NOS1AP: variants seen among roughly 807,000 people sequenced by gnomAD.
NOS1AP encodes carboxyl-terminal PDZ ligand of neuronal nitric oxide synthase protein.
A neutral mutation model predicts 56.2 loss-of-function variants in NOS1AP; 21 were observed. The ratio of observed to expected loss-of-function variants is 0.37; its 90% CI spans 0.26 to 0.54. NOS1AP has a LOEUF of 0.54. Among genes scored for constraint, NOS1AP ranks in the 20% least tolerant of loss-of-function variants. NOS1AP has a pLI of 0.84. For missense variants in NOS1AP, 522 were observed against 657.8 expected, an observed-to-expected ratio of 0.79 and a Z score of 2.26; for synonymous variants, 270 against 274.6, an observed-to-expected ratio of 0.98 and a Z score of 0.17.
At chr1:162,249,461 G>A (rs1369068284) in intron 2 of NOS1AP, among the ~76,000 whole-genome samples, 2 of 152,142 alleles carry the variant, frequency 1.3e-5, no homozygotes, top group Admixed American at 6.6e-5. Flanking sequence ...TTTCCTTATG[G>A]TGTCTTTCAA....
In NOS1AP at chr1:162,164,478, A is replaced by T. The variant is rs146683625; in HGVS notation, c.177+10002A>T. 1.2e-3 allele frequency among the ~76,000 whole-genome samples: 176 copies of T among 152,324 alleles called. 1 individual carries two copies. Among genetic ancestry groups the T allele is most frequent in the Non-Finnish European group, 2.1e-3 (140 of 68,024 alleles). On this transcript the variant is annotated intron_variant, in intron 2 of 9. Transcript: ENST00000361897. ...CACTATGTATACCCCAATGTTTTTC[A>T]TCCTTCCTAAGATGAACTCTGTACC...
chr1:162,118,659 T>C lies in NOS1AP; in HGVS notation c.106-35746T>C, dbSNP rs565719315. Among the ~76,000 whole-genome samples the C allele has an allele frequency of 2.6e-5, 4 of 152,342 alleles. No individual in the cohort carries two copies. The South Asian group carries it at 8.3e-4, about 32-fold the overall frequency. On this transcript the variant is annotated intron_variant, in intron 1 of 9. Coordinates refer to ENST00000361897, the MANE Select transcript of NOS1AP (RefSeq NM_014697.3). ...CCAAAAACACTCCAGCTGCTGTTTT[T>C]CATGTATAAATAATCAGTATTTGTA... is the stretch of plus-strand genomic sequence containing the variant.
At chr1:162,072,676 T>A (rs923653735) in intron 1 of NOS1AP, among the ~76,000 whole-genome samples, 3 of 152,214 alleles carry the variant, frequency 2.0e-5, no homozygotes, top group Non-Finnish European at 4.4e-5. Context: ...TCTTTGTAAT[T>A]GATGCTGCAC....
At chr1:162,129,837 C>T (rs1648670137) in intron 1 of NOS1AP, among the ~76,000 whole-genome samples, 1 of 152,184 alleles carries the variant, frequency 6.6e-6, no homozygotes, top group African/African-American at 2.4e-5. Flanking sequence ...TATGACACAG[C>T]TAAATGCAAT....
chr1:162,330,879 A>G (rs1656745937), intron 4 of NOS1AP, among the ~76,000 whole-genome samples: 1 of 152,162 alleles, frequency 6.6e-6, no homozygotes, highest in Non-Finnish European at 1.5e-5. Flanking sequence ...GTCTGCAAGG[A>G]ACTTGCTCCT....
chr1:162,364,752 T>C, intron 8 of NOS1AP: 5 of 987,282 alleles, frequency 5.1e-6, no homozygotes, highest in Non-Finnish European at 6.0e-6. Context: ...ATGTCTGCCA[T>C]AGCAAATAAA....
chr1:162,168,115 T>C (rs1203097280), intron 2 of NOS1AP, among the ~76,000 whole-genome samples: 1 of 152,186 alleles, frequency 6.6e-6, no homozygotes, highest in African/African-American at 2.4e-5. Flanking sequence ...TCATAATTAC[T>C]TTATGAAGAG....
intron 2 of NOS1AP, among the ~76,000 whole-genome samples, chr1:162,177,572 G>A (rs1651108082): frequency 6.6e-6 from 1 of 152,126 alleles, no homozygotes; most frequent in Non-Finnish European, 1.5e-5. Flanking sequence ...TCTCTGACCT[G>A]TAGTTATATA....
At chr1:162,154,361 C>T (rs1571070690) in intron 1 of NOS1AP, 44 bp from the exon 2 acceptor site, 6 of 1,588,004 alleles carry the variant, frequency 3.8e-6, no homozygotes, top group Non-Finnish European at 4.3e-6. Flanking sequence ...ATTAGGGACA[C>T]TTGCTACCCC....
chr1:162,305,968 C>T (rs189015532), intron 4 of NOS1AP, among the ~76,000 whole-genome samples: 2 of 152,256 alleles, frequency 1.3e-5, no homozygotes, highest in African/African-American at 2.4e-5. Flanking sequence ...GACTATTCTT[C>T]AGTTTTTGAA....
At chr1:162,081,755 G>GATACATATATATAT (rs1218347698) in intron 1 of NOS1AP, among the ~76,000 whole-genome samples, 5 of 71,606 alleles carry the variant, frequency 7.0e-5, no homozygotes, top group African/African-American at 2.5e-4. Flanking sequence ...TATATCTATA[G>GATACATATATATAT]ATATATATAT....
chr1:162,094,911 C>T (rs1692204348), intron 1 of NOS1AP, among the ~76,000 whole-genome samples: 1 of 152,192 alleles, frequency 6.6e-6, no homozygotes, highest in Non-Finnish European at 1.5e-5. Context: ...TACAGTGCTG[C>T]TGGGAACATG....
chr1:162,353,907 G>A (rs1657605477), intron 6 of NOS1AP, among the ~76,000 whole-genome samples: 1 of 152,202 alleles, frequency 6.6e-6, no homozygotes. Context: ...CCTACTGGCT[G>A]ACCAAGGGGC....
chr1:162,355,382 T>C, intron 7 of NOS1AP, 29 bp downstream of exon 7: 1 of 1,613,194 alleles, frequency 6.2e-7, no homozygotes, highest in East Asian at 2.2e-5. Flanking sequence ...ATCTGTGTGA[T>C]CTGCACACGT....
intron 1 of NOS1AP, among the ~76,000 whole-genome samples, chr1:162,105,080 G>C (rs1276811043): frequency 1.3e-5 from 2 of 152,166 alleles, no homozygotes; most frequent in Admixed American, 6.5e-5. Context: ...CCTTTGAATA[G>C]GGTTTTTGAG....
chr1:162,366,749 A>G lies in NOS1AP; in HGVS notation c.1106-303A>G, dbSNP rs7551382. ...ACAGGCTTCTAACATGGTTCTCTCA[A>G]TTGGTACCTTTTTCCTACCACTAAC... On this transcript the variant is annotated intron_variant, in intron 9 of 9. Coordinates refer to ENST00000361897, the MANE Select transcript of NOS1AP (RefSeq NM_014697.3). Among the ~76,000 whole-genome samples the G allele has an allele frequency of 0.31, 47,271 of 151,968 alleles. 8,553 individuals are homozygous for G. The highest frequency in any genetic ancestry group is 0.53 in the East Asian group (2,727 of 5,154).
At chr1:162,170,066 T>C (rs1350084395) in intron 2 of NOS1AP, among the ~76,000 whole-genome samples, 1 of 152,214 alleles carries the variant, frequency 6.6e-6, no homozygotes, top group Non-Finnish European at 1.5e-5. Flanking sequence ...ACACCCTCTC[T>C]GTATTTCTCT....
intron 2 of NOS1AP, among the ~76,000 whole-genome samples, chr1:162,271,128 A>T (rs1204286387): frequency 2.6e-5 from 4 of 152,106 alleles, no homozygotes; most frequent in Non-Finnish European, 5.9e-5. Context: ...AGGAAGGCTT[A>T]AATGGTCGTG....
rs184724075 is a variant in NOS1AP at position 162,339,805 on chromosome 1, G to A, written c.454-4030G>A. Among the ~76,000 whole-genome samples the A allele has an allele frequency of 4.6e-5, 7 of 152,356 alleles. No individual in the cohort carries two copies. In the East Asian group the frequency reaches 1.3e-3, roughly 29 times the overall value. On this transcript the variant is annotated intron_variant, in intron 5 of 9. Coordinates refer to ENST00000361897, the MANE Select transcript of NOS1AP (RefSeq NM_014697.3). Reference sequence around the variant, plus strand: ...AGTGGGGTAGGCCTAGCAGGCAGGAGCCAGCATGGCTGTGCAGAAAGCAGA... The same window carrying A: ...AGTGGGGTAGGCCTAGCAGGCAGGAACCAGCATGGCTGTGCAGAAAGCAGA...
Sources: allele counts gnomAD v4.1 joint callset (sites outside exome capture counted in the v4.1 genomes callset), GRCh38; gene constraint gnomAD v4.1.1; transcripts MANE v1.5; gene names NCBI Gene and HGNC (gene_info 2026-07-23, HGNC 2026-07-21).